The following PARP16 variants were observed in gnomAD, a reference collection of about 807,000 sequenced individuals.
The protein encoded by PARP16 is protein mono-ADP-ribosyltransferase PARP16.
Under a neutral mutation model 35.0 loss-of-function variants are expected in PARP16, and 31 were observed. That is an observed-to-expected ratio of 0.88 (90% CI 0.66 to 1.19). PARP16 has a LOEUF of 1.19. Ranked by LOEUF, PARP16 falls within the 50% of genes most tolerant of loss-of-function variation. PARP16 has a pLI of 0.00. For synonymous variants in PARP16, 162 were observed against 169.5 expected (o/e 0.96, Z 0.34); for missense variants, 424 against 411.2 (o/e 1.03, Z -0.27).
At chr15:65,232,830 AG>A (rs1440944708), downstream of PARP16, among the ~76,000 whole-genome samples, 4 of 152,012 alleles carry the variant, frequency 2.6e-5, no homozygotes, top group African/African-American at 4.8e-5. Context: ...CTGAGGAGGG[AG>A]GATCGCGTGA....
At chr15:65,261,328 G>T (rs2089706485) in intron 4 of PARP16, among the ~76,000 whole-genome samples, 1 of 151,094 alleles carries the variant, frequency 6.6e-6, no homozygotes, top group Non-Finnish European at 1.5e-5. Flanking sequence ...AATACGCTGG[G>T]ACTGGAAGCT....
At chr15:65,253,169 T>C (rs57866979), downstream of PARP16, among the ~76,000 whole-genome samples, 33,329 of 148,818 alleles carry the variant, frequency 0.22, 4,454 homozygotes, top group Admixed American at 0.31. Flanking sequence ...AAAAAAACAA[T>C]GCAAGACACT....
At chr15:65,285,939 A>G (rs1430568773) in intron 1 of PARP16, among the ~76,000 whole-genome samples, 1 of 152,212 alleles carries the variant, frequency 6.6e-6, no homozygotes, top group Non-Finnish European at 1.5e-5. Flanking sequence ...GATTCACATC[A>G]ACCCTATTCC....
chr15:65,239,977 A>ATTTTTTTTTT (rs72497616), intron 3 of PARP16, among the ~76,000 whole-genome samples: 1 of 4,992 alleles, frequency 2.0e-4, no homozygotes, highest in African/African-American at 6.7e-4. Context: ...TTTTTTTTAA[A>ATTTTTTTTTT]TACAGGGTCT....
chr15:65,272,969 A>G (rs2090137785), intron 1 of PARP16, among the ~76,000 whole-genome samples: 1 of 152,088 alleles, frequency 6.6e-6, no homozygotes, highest in Non-Finnish European at 1.5e-5. Context: ...CAAGGGATGT[A>G]GTTGGCACTT....
rs576609478 is a variant in PARP16 at position 65,266,639 on chromosome 15, T to C, written c.442A>G (p.Ile148Val). The C allele has an allele frequency of 1.4e-5, 23 of 1,613,968 alleles. No individual in the cohort carries two copies. Among genetic ancestry groups the C allele is most frequent in the Non-Finnish European group, 1.8e-5 (21 of 1,179,994 alleles). Residue 148 changes from isoleucine (I) to valine (V), a missense_variant, in exon 3 of 6, where the codon ATC becomes GTC. Ile to Val is a conservative substitution (Grantham distance 29). Coordinates refer to ENST00000649807, the MANE Select transcript of PARP16 (RefSeq NM_001316943.2). ...FYETKGERDLIYAFHGSRLEN... is the reference protein window; with the variant it reads ...FYETKGERDLVYAFHGSRLEN... ...AGGCGGCTACCATGAAATGCATAGATTAGGTCTCGTTCTCCTTTGGTCTCA... is the reference window on the plus strand; with the variant it reads ...AGGCGGCTACCATGAAATGCATAGACTAGGTCTCGTTCTCCTTTGGTCTCA...
chr15:65,280,403 C>A (rs151335962), intron 1 of PARP16, among the ~76,000 whole-genome samples: 1,689 of 147,068 alleles, frequency 0.011, 15 homozygotes, highest in Non-Finnish European at 0.017. Flanking sequence ...CGCCACTGCA[C>A]TCCAAACTGG....
At chr15:65,236,323 A>G (rs2088877382) in intron 3 of PARP16, among the ~76,000 whole-genome samples, 1 of 152,248 alleles carries the variant, frequency 6.6e-6, no homozygotes, top group South Asian at 2.1e-4. Context: ...ACAATTATGA[A>G]CTTTGATGGT....
At chr15:65,282,435 G>A (rs1203630336) in intron 1 of PARP16, 1 of 152,184 alleles carries the variant, frequency 6.6e-6, no homozygotes, top group Non-Finnish European at 1.5e-5. Context: ...AGATCCAGAT[G>A]CCCAGTTCTC....
At chr15:65,273,737 G>A (rs905574947) in intron 1 of PARP16, among the ~76,000 whole-genome samples, 3 of 151,878 alleles carry the variant, frequency 2.0e-5, no homozygotes, top group Admixed American at 6.6e-5. Flanking sequence ...TTAGCCGGGC[G>A]TAGTGGCACA....
At chr15:65,272,003 A>C (rs1290283347) in intron 1 of PARP16, among the ~76,000 whole-genome samples, 1 of 152,204 alleles carries the variant, frequency 6.6e-6, no homozygotes, top group Non-Finnish European at 1.5e-5. Context: ...GAACACTGGA[A>C]GCTTTGTTGA....
intron 3 of PARP16, among the ~76,000 whole-genome samples, chr15:65,246,034 A>T (rs1220287820): frequency 6.6e-6 from 1 of 152,032 alleles, no homozygotes; most frequent in African/African-American, 2.4e-5. Flanking sequence ...GAGAACATCA[A>T]ACCAATTATC....
intron 3 of PARP16, among the ~76,000 whole-genome samples, chr15:65,235,638 A>G (rs2088856860): frequency 9.1e-6 from 1 of 110,356 alleles, no homozygotes; most frequent in South Asian, 2.9e-4. Context: ...CCCTATCTCT[A>G]CAAAAAAAAA....
intron 2 of PARP16, among the ~76,000 whole-genome samples, chr15:65,266,981 C>T (rs887555429): frequency 3.3e-5 from 5 of 152,126 alleles, no homozygotes; most frequent in Admixed American, 2.6e-4. Flanking sequence ...GTGGCTCACA[C>T]CTGTAATCCC....
intron 1 of PARP16, among the ~76,000 whole-genome samples, chr15:65,275,896 T>C (rs1418849957): frequency 1.3e-5 from 2 of 152,174 alleles, no homozygotes; most frequent in African/African-American, 4.8e-5. Flanking sequence ...TTCCCATCAC[T>C]CGTGTCCTCA....
At chr15:65,275,543 C>T (rs1040462436) in intron 1 of PARP16, among the ~76,000 whole-genome samples, 2 of 152,194 alleles carry the variant, frequency 1.3e-5, no homozygotes, top group African/African-American at 4.8e-5. Context: ...GTTAGTGTGA[C>T]TGCCATGACT....
chr15:65,254,559 AGC>A (rs1446792991), downstream of PARP16, among the ~76,000 whole-genome samples: 1 of 148,888 alleles, frequency 6.7e-6, no homozygotes, highest in Non-Finnish European at 1.5e-5. Flanking sequence ...AGAGGAGGGG[AGC>A]GGGGAGAGAG....
chr15:65,285,704 G>A (rs993363344), intron 1 of PARP16: 2 of 183,356 alleles, frequency 1.1e-5, no homozygotes, highest in South Asian at 1.9e-4. Context: ...TGGATTATAA[G>A]GATAACTGAT....
At chr15:65,261,453 GTTT>G (rs997582229) in intron 4 of PARP16, among the ~76,000 whole-genome samples, 1 of 141,090 alleles carries the variant, frequency 7.1e-6, no homozygotes, top group African/African-American at 2.6e-5. Context: ...TACATGTTTT[GTTT>G]TTTTTTTGTT....
Sources: gnomAD v4.1 joint callset for allele counts (sites outside exome capture counted in the v4.1 genomes callset) on GRCh38, gnomAD v4.1.1 for gene constraint, MANE v1.5 for transcripts, NCBI Gene and HGNC (gene_info 2026-07-23, HGNC 2026-07-21) for gene names.